NSD3: variants seen among roughly 807,000 people sequenced by gnomAD.
NSD3 encodes the protein nuclear receptor binding SET domain protein 3, also known as histone-lysine N-methyltransferase NSD3.
NSD3 carries 24 observed loss-of-function variants against 160.8 expected under a neutral mutation model. That is an observed-to-expected ratio of 0.15 (90% CI 0.11 to 0.21). NSD3 has a LOEUF of 0.21. Among genes scored for constraint, NSD3 ranks in the 10% least tolerant of loss-of-function variants. The pLI is 1.00. For missense variants in NSD3, 1,157 were observed against 1,735.9 expected (o/e 0.67, Z 5.93); for synonymous variants, 520 against 600.0 (o/e 0.87, Z 1.95).
intron 15 of NSD3, among the ~76,000 whole-genome samples, chr8:38,296,674 C>CTGTGTG (rs57485296): frequency 0.014 from 1,949 of 142,250 alleles, 23 homozygotes; most frequent in South Asian, 0.036. Flanking sequence ...CTCTCTCCCT[C>CTGTGTG]TGTGTGTGTG....
Position 38,328,873 on chromosome 8 carries a change from GAACA to G in NSD3, c.1581+501_1581+504del, listed in dbSNP as rs533074591. On this transcript the variant is annotated intron_variant, in intron 6 of 23. Transcript: ENST00000317025. The stretch of plus-strand genomic sequence containing the variant: ...GTTATTGCCACAGCTAATTGTTACA[GAACA>G]AACACAGTTCTGGGATTCTCTGAAA... Among the ~76,000 whole-genome samples the G allele has an allele frequency of 7.8e-4, 119 of 152,282 alleles. 1 individual carries two copies. Among genetic ancestry groups the G allele is most frequent in the Middle Eastern group, 6.8e-3 (2 of 294 alleles).
At chr8:38,364,619 T>C (rs1356540379) in intron 1 of NSD3, among the ~76,000 whole-genome samples, 3 of 152,218 alleles carry the variant, frequency 2.0e-5, no homozygotes, top group African/African-American at 7.2e-5. Context: ...TGGGTCCTTT[T>C]ACTACTAAAA....
chr8:38,348,045 C>G lies in NSD3; in HGVS notation c.127G>C (p.Asp43His), dbSNP rs1245654324. The part of the protein sequence containing the change: ...AFDNNSDIAE[D>H]GGQTPYEATL... ...GCTTCATATGGTGTCTGGCCACCAT[C>G]TTCAGCAATGTCACTGTTGTTATCA... Residue 43 changes from aspartate to histidine, a missense_variant, in exon 2 of 24, where the codon GAT becomes CAT. By Grantham distance (81) the Asp-to-His change is moderately conservative. This residue lies in a region of NSD3 where 121 missense variants were observed against 177.2 expected (regional missense o/e 0.68). Transcript: ENST00000317025. 3 of 1,614,074 alleles carry G rather than the reference C, an allele frequency of 1.9e-6. No homozygotes were observed. Among genetic ancestry groups the G allele is most frequent in the Non-Finnish European group, 2.5e-6 (3 of 1,180,050 alleles).
chr8:38,329,346 C>G lies in NSD3; in HGVS notation c.1581+32G>C, dbSNP rs566832642. 11 of 1,588,932 alleles carry G rather than the reference C, an allele frequency of 6.9e-6. No individual in the cohort carries two copies. In the East Asian group the frequency reaches 2.5e-4, roughly 36 times the overall value. On this transcript the variant is annotated intron_variant, in intron 6 of 23. Coordinates refer to ENST00000317025, the MANE Select transcript of NSD3 (RefSeq NM_023034.2). This position sits in a 1 kb window ranked among gnomAD's most constrained non-coding sequence, Gnocchi z 4.8. ...AGGTTGACCACTTTTAAAATACCAT[C>G]CCCCAAAAAACTCCACGAAAAAAGG...
intron 13 of NSD3, 120 bp from the exon 14 acceptor site, chr8:38,304,877 T>C (rs1809359519): frequency 9.4e-7 from 1 of 1,069,020 alleles, no homozygotes; most frequent in Non-Finnish European, 1.3e-6. Context: ...ATGGAAAGCA[T>C]TTTTTTCTTC....
chr8:38,289,078 T>C (rs1216773899), intron 18 of NSD3, among the ~76,000 whole-genome samples: 1 of 152,164 alleles, frequency 6.6e-6, no homozygotes, highest in Non-Finnish European at 1.5e-5. Context: ...ATATTCTCAT[T>C]TGGTGGCGGG....
At chr8:38,324,114 T>C (rs1809852877) in intron 7 of NSD3, among the ~76,000 whole-genome samples, 1 of 152,240 alleles carries the variant, frequency 6.6e-6, no homozygotes, top group South Asian at 2.1e-4. Flanking sequence ...TTCTCAATTA[T>C]GGCTAATATG....
In NSD3 at chr8:38,366,899, C is replaced by T. The variant is rs745336118; in HGVS notation, c.-45+14900G>A. 3.6e-4 allele frequency among the ~76,000 whole-genome samples: 55 copies of T among 152,264 alleles called. 1 individual carries two copies. The highest frequency in any genetic ancestry group is 1.3e-3 in the African/African-American group (54 of 41,560). On this transcript the variant is annotated intron_variant, in intron 1 of 23. Transcript: ENST00000317025. ...GTTACCATATTGGTCAGTGCAGATA[C>T]AGAATATTTCTGTCATCATAGAAAA... is the stretch of plus-strand genomic sequence containing the variant.
intron 1 of NSD3, among the ~76,000 whole-genome samples, chr8:38,351,199 G>A (rs1203933028): frequency 2.2e-5 from 3 of 137,286 alleles, no homozygotes; most frequent in Non-Finnish European, 4.8e-5. Flanking sequence ...GGATGGTCTC[G>A]ATCTCCTGAC....
In NSD3 at chr8:38,275,390, A is replaced by G. The variant is rs974246247; in HGVS notation, c.*251T>C. 2.5e-4 allele frequency: 108 copies of G among 434,362 alleles called. No individual in the cohort carries two copies. The highest frequency in any genetic ancestry group is 3.1e-4 in the Non-Finnish European group (77 of 244,484). 26.9% of individuals were successfully genotyped at this position (434,362 alleles called of 1,614,324 possible). A position where few individuals can be genotyped will look rare whatever the true frequency, so the allele number is the denominator to read the frequency against. On this transcript the variant is annotated 3_prime_UTR_variant, in exon 24 of 24. Transcript: ENST00000317025. ...CATTTCTTTTTCAAGCTGCAATGGCACTGAAGCACAATAAAAGGCAAGAAA... is the reference window on the plus strand; with the variant it reads ...CATTTCTTTTTCAAGCTGCAATGGCGCTGAAGCACAATAAAAGGCAAGAAA...
intron 1 of NSD3, among the ~76,000 whole-genome samples, chr8:38,372,837 G>A (rs1218709582): frequency 1.4e-5 from 2 of 147,748 alleles, no homozygotes; most frequent in Non-Finnish European, 3.0e-5. Flanking sequence ...AAAACCACCA[G>A]CCGGGCGCGG....
chr8:38,338,179 C>T (rs1201231460), intron 3 of NSD3, among the ~76,000 whole-genome samples: 1 of 151,842 alleles, frequency 6.6e-6, no homozygotes, highest in Non-Finnish European at 1.5e-5. Context: ...ACGTGCCTGT[C>T]ATCCCAGCTA....
intron 1 of NSD3, among the ~76,000 whole-genome samples, chr8:38,377,520 G>T (rs1378198777): frequency 6.6e-6 from 1 of 151,364 alleles, no homozygotes; most frequent in African/African-American, 2.4e-5. Flanking sequence ...GCTAATTTTT[G>T]TATTTTTAGT....
chr8:38,337,503 C>CA (rs1223167565), intron 3 of NSD3, 36 bp from the exon 4 acceptor site: 1 of 1,499,558 alleles, frequency 6.7e-7, no homozygotes, highest in East Asian at 2.4e-5. Context: ...ATCAGAAATT[C>CA]AAAAAAAGAA....
At chr8:38,326,942 G>A (rs1206300484) in intron 6 of NSD3, 86 bp from the exon 7 acceptor site, 1 of 1,438,528 alleles carries the variant, frequency 7.0e-7, no homozygotes, top group African/African-American at 1.4e-5. Flanking sequence ...GGCTTAAAAT[G>A]ATCATAATTT....
Position 38,288,810 on chromosome 8 carries a change from T to C in NSD3, c.3232-54A>G, listed in dbSNP as rs1051626960. 8 of 1,590,344 alleles carry C rather than the reference T, an allele frequency of 5.0e-6. No homozygotes were observed. The highest frequency in any genetic ancestry group is 2.7e-5 in the African/African-American group (2 of 74,604). On this transcript the variant is annotated intron_variant, in intron 18 of 23. Coordinates refer to ENST00000317025, the MANE Select transcript of NSD3 (RefSeq NM_023034.2). This position sits in a 1 kb window ranked among gnomAD's most constrained non-coding sequence, Gnocchi z 4.5. The stretch of plus-strand genomic sequence containing the variant: ...AGGCAGCAGGTAAGTCATCTGGCAA[T>C]GTGAACAGGAACATCTAAAACATCC...
rs1488733708 is a variant in NSD3, at chr8:38,271,366, A to C, written c.*4275T>G. The C allele has an allele frequency of 6.6e-6, 1 of 152,124 alleles. No homozygotes were observed. The allele number at this position is 152,124 out of a possible 1,614,324, so 9.4% of individuals were successfully genotyped here. The stretch of plus-strand genomic sequence containing the variant: ...CAATGAGGCAGAGGTCTCAATGTTA[A>C]AGTGACTATTTCGTACCTGTGGTAA... On this transcript the variant is annotated 3_prime_UTR_variant, in exon 24 of 24. Transcript: ENST00000317025.
chr8:38,288,795 T>C lies in NSD3; in HGVS notation c.3232-39A>G, dbSNP rs1808926438. 1 of 1,599,820 alleles carries C rather than the reference T, an allele frequency of 6.3e-7. No individual in the cohort carries two copies. Among genetic ancestry groups the C allele is most frequent in the African/African-American group, 1.3e-5 (1 of 74,720 alleles). On this transcript the variant is annotated intron_variant, in intron 18 of 23. Coordinates refer to ENST00000317025, the MANE Select transcript of NSD3 (RefSeq NM_023034.2). This position sits in a 1 kb window ranked among gnomAD's most constrained non-coding sequence, Gnocchi z 4.5. ...TCGCAAGCGAGAGAGAGGCAGCAGG[T>C]AAGTCATCTGGCAATGTGAACAGGA...
intron 22 of NSD3, among the ~76,000 whole-genome samples, chr8:38,276,927 A>T (rs1012978784): frequency 1.7e-4 from 26 of 151,852 alleles, no homozygotes; most frequent in African/African-American, 5.6e-4. Flanking sequence ...GGCTCAAGTG[A>T]TCCTCCGCCT....
Sources: gnomAD v4.1 joint callset for allele counts (sites outside exome capture counted in the v4.1 genomes callset) on GRCh38, gnomAD v4.1.1 for gene constraint, gnomAD v4.1.1 regional missense constraint, Gnocchi (gnomAD v3.1) non-coding constraint, MANE v1.5 for transcripts, NCBI Gene and HGNC (gene_info 2026-07-23, HGNC 2026-07-21) for gene names.